The following CADPS2 variants were observed in gnomAD, a reference collection of about 807,000 sequenced individuals.
CADPS2 encodes calcium-dependent secretion activator 2.
A neutral mutation model predicts 172.5 loss-of-function variants in CADPS2; 93 were observed. That is an observed-to-expected ratio of 0.54 (90% CI 0.46 to 0.64). The LOEUF (loss-of-function observed/expected upper bound fraction) is 0.64. CADPS2 is among the 30% of genes least tolerant of loss of function. The pLI is 0.00. For synonymous variants in CADPS2, 546 were observed against 555.2 expected (o/e 0.98, Z 0.23); for missense variants, 1,420 against 1,565.9 (o/e 0.91, Z 1.57).
intron 6 of CADPS2, among the ~76,000 whole-genome samples, chr7:122,605,771 A>G (rs1384076203): frequency 6.6e-6 from 1 of 152,296 alleles, no homozygotes; most frequent in East Asian, 1.9e-4. Flanking sequence ...TTTATAATAC[A>G]TATAATAAAT....
chr7:122,707,319 T>C (rs2087735569), intron 2 of CADPS2, among the ~76,000 whole-genome samples: 1 of 151,872 alleles, frequency 6.6e-6, no homozygotes, highest in Admixed American at 6.6e-5. Flanking sequence ...ATCCTATAAC[T>C]TCCAGGCGCC....
chr7:122,506,738 A>AC (rs1364391229), intron 9 of CADPS2, among the ~76,000 whole-genome samples: 3 of 152,072 alleles, frequency 2.0e-5, no homozygotes, highest in Non-Finnish European at 4.4e-5. Context: ...AAAAAAAAAA[A>AC]AAAAACAAAC....
At chr7:122,400,624 G>A (rs1442133420) in intron 20 of CADPS2, among the ~76,000 whole-genome samples, 2 of 152,134 alleles carry the variant, frequency 1.3e-5, no homozygotes, top group Non-Finnish European at 2.9e-5. Context: ...CAACTCTGGG[G>A]ATTAGAGTTA....
At chr7:122,737,908 G>A (rs917877802) in intron 1 of CADPS2, among the ~76,000 whole-genome samples, 1 of 152,100 alleles carries the variant, frequency 6.6e-6, no homozygotes, top group African/African-American at 2.4e-5. Flanking sequence ...AACAGCCATT[G>A]CATGCCAAAA....
At chr7:122,560,225 A>G (rs950217115) in intron 7 of CADPS2, among the ~76,000 whole-genome samples, 1 of 152,194 alleles carries the variant, frequency 6.6e-6, no homozygotes, top group African/African-American at 2.4e-5. Context: ...GGAGGATGAC[A>G]ATACAGACAG....
intron 17 of CADPS2, among the ~76,000 whole-genome samples, chr7:122,423,977 A>C (rs2048845196): frequency 6.6e-6 from 1 of 152,230 alleles, no homozygotes; most frequent in African/African-American, 2.4e-5. Flanking sequence ...ACTTTTATAT[A>C]AACCTCATTT....
intron 25 of CADPS2, among the ~76,000 whole-genome samples, chr7:122,364,901 C>T (rs981914400): frequency 1.3e-5 from 2 of 152,092 alleles, no homozygotes; most frequent in Non-Finnish European, 2.9e-5. Context: ...GTGTTATGGG[C>T]AGTGTAGACA....
rs570996694 is a variant in CADPS2 at position 122,694,943 on chromosome 7, G to A, written c.454-31374C>T. Among the ~76,000 whole-genome samples, 3 of 152,264 alleles carry A rather than the reference G, an allele frequency of 2.0e-5. No individual in the cohort carries two copies. The South Asian group carries it at 6.2e-4, about 32-fold the overall frequency. On this transcript the variant is annotated intron_variant, in intron 2 of 29. Transcript: ENST00000449022. Reference sequence around the variant, plus strand: ...TTCCCAAATGCTCATCTTTCTCCCAGTTGATACCTACGTGCTGCTTCAAAA... The same window carrying A: ...TTCCCAAATGCTCATCTTTCTCCCAATTGATACCTACGTGCTGCTTCAAAA...
At chr7:122,579,550 T>G (rs1453966684) in intron 7 of CADPS2, among the ~76,000 whole-genome samples, 1 of 150,034 alleles carries the variant, frequency 6.7e-6, no homozygotes, top group African/African-American at 2.4e-5. Flanking sequence ...AAATTAAAAA[T>G]AGCTCAAGAA....
At chr7:122,575,540 G>A (rs1456568219) in intron 7 of CADPS2, among the ~76,000 whole-genome samples, 3 of 151,402 alleles carry the variant, frequency 2.0e-5, no homozygotes, top group East Asian at 1.9e-4. Context: ...GGGTTCAAGC[G>A]ATTCTCCTGC....
intron 1 of CADPS2, among the ~76,000 whole-genome samples, chr7:122,833,764 AGAT>A (rs1807369345): frequency 6.6e-6 from 1 of 152,158 alleles, no homozygotes; most frequent in Non-Finnish European, 1.5e-5. Flanking sequence ...AAAAGGTAAA[AGAT>A]AAGAGTATAT....
intron 17 of CADPS2, among the ~76,000 whole-genome samples, chr7:122,423,356 C>T (rs955170615): frequency 1.1e-4 from 16 of 152,044 alleles, no homozygotes; most frequent in Admixed American, 7.9e-4. Context: ...CATCTGTCTG[C>T]CAGTTTTTAG....
At chr7:122,492,349 T>A (rs2058371006) in intron 9 of CADPS2, among the ~76,000 whole-genome samples, 1 of 152,160 alleles carries the variant, frequency 6.6e-6, no homozygotes, top group African/African-American at 2.4e-5. Flanking sequence ...TGCCTCTTAA[T>A]TCTTCTTGTC....
At chr7:122,621,765 A>G (rs2075628317) in intron 4 of CADPS2, 48 bp from the exon 5 acceptor site, 2 of 1,048,492 alleles carry the variant, frequency 1.9e-6, no homozygotes, top group Non-Finnish European at 2.8e-6. Flanking sequence ...TCATATTTCA[A>G]TTTTATCATA....
At chr7:122,754,178 C>T (rs1221655275) in intron 1 of CADPS2, among the ~76,000 whole-genome samples, 11 of 152,108 alleles carry the variant, frequency 7.2e-5, no homozygotes, top group African/African-American at 2.7e-4. Flanking sequence ...TTTGCTTTTG[C>T]TTTTCAAAAC....
intron 1 of CADPS2, among the ~76,000 whole-genome samples, chr7:122,815,917 TA>T (rs907699752): frequency 1.3e-5 from 2 of 152,210 alleles, no homozygotes; most frequent in African/African-American, 4.8e-5. Flanking sequence ...TGTACATATT[TA>T]GGAGTACATG....
At chr7:122,620,113 A>T (rs2075412732) in intron 5 of CADPS2, among the ~76,000 whole-genome samples, 1 of 152,198 alleles carries the variant, frequency 6.6e-6, no homozygotes, top group Non-Finnish European at 1.5e-5. Flanking sequence ...AAGTTTCAAT[A>T]AAAAAATTGA....
intron 27 of CADPS2, among the ~76,000 whole-genome samples, chr7:122,356,365 A>G (rs1052308956): frequency 6.6e-6 from 1 of 152,240 alleles, no homozygotes; most frequent in African/African-American, 2.4e-5. Context: ...ATAGAGGTAA[A>G]GTGCCATTTT....
chr7:122,753,391 A>T (rs2093028523), intron 1 of CADPS2, among the ~76,000 whole-genome samples: 1 of 152,214 alleles, frequency 6.6e-6, no homozygotes, highest in Non-Finnish European at 1.5e-5. Context: ...TAACTGCCTC[A>T]ACTTTTATTT....
Sources: gnomAD v4.1 joint callset for allele counts (sites outside exome capture counted in the v4.1 genomes callset) on GRCh38, gnomAD v4.1.1 for gene constraint, MANE v1.5 for transcripts, NCBI Gene and HGNC (gene_info 2026-07-23, HGNC 2026-07-21) for gene names.